PIK3C3: variants seen among roughly 807,000 people sequenced by gnomAD.
PIK3C3 encodes the protein PI3-kinase type 3.
In PIK3C3, 95 loss-of-function variants were observed where a neutral mutation model predicts 126.1. The observed-to-expected ratio is 0.75, with a 90% CI of 0.64 to 0.89. PIK3C3 has a LOEUF of 0.89. Ranked by LOEUF, PIK3C3 falls within the 40% of genes least tolerant of loss-of-function variation. The pLI is 0.00. For synonymous variants in PIK3C3, 374 were observed against 360.0 expected, an observed-to-expected ratio of 1.04 and a Z score of -0.44; for missense variants, 829 against 1,063.2, an observed-to-expected ratio of 0.78 and a Z score of 3.06.
intron 23 of PIK3C3, among the ~76,000 whole-genome samples, chr18:42,065,597 A>G (rs555041140): frequency 4.3e-4 from 65 of 152,370 alleles, no homozygotes; most frequent in African/African-American, 1.5e-3. Flanking sequence ...AACGATGTCA[A>G]TCATTGGCAA....
intron 16 of PIK3C3, 145 bp from the exon 17 acceptor site, chr18:42,037,547 A>G: frequency 1.6e-6 from 1 of 618,538 alleles, no homozygotes. Flanking sequence ...GTATACCCTA[A>G]TGTATCTCAT....
chr18:42,072,037 G>A (rs1232174445), intron 24 of PIK3C3, among the ~76,000 whole-genome samples: 1 of 151,928 alleles, frequency 6.6e-6, no homozygotes, highest in Admixed American at 6.6e-5. Context: ...ATTGATCTCT[G>A]GAGTTTATTT....
At chr18:42,043,661 A>G (rs926083446) in intron 19 of PIK3C3, 72 bp from the exon 20 acceptor site, 14 of 944,358 alleles carry the variant, frequency 1.5e-5, no homozygotes, top group Non-Finnish European at 2.2e-5. Flanking sequence ...GCTGGTCACT[A>G]TTTATAGTTT....
intron 9 of PIK3C3, among the ~76,000 whole-genome samples, chr18:42,002,288 AAGGGCAATGAG>A (rs1308796477): frequency 6.6e-6 from 1 of 152,172 alleles, no homozygotes; most frequent in Non-Finnish European, 1.5e-5. Flanking sequence ...TGAAGCATGG[AAGGGCAATGAG>A]AGGTTAATGA....
chr18:41,982,067 A>G (rs530277883), intron 4 of PIK3C3, among the ~76,000 whole-genome samples: 11 of 152,202 alleles, frequency 7.2e-5, no homozygotes, highest in African/African-American at 2.4e-4. Flanking sequence ...TTTTAGTAAT[A>G]TAATTCTAGT....
At chr18:41,994,797 A>T (rs1157592444) in intron 7 of PIK3C3, among the ~76,000 whole-genome samples, 2 of 152,110 alleles carry the variant, frequency 1.3e-5, no homozygotes, top group African/African-American at 4.8e-5. Flanking sequence ...AACACTTTTG[A>T]GAGGCCAAGG....
intron 12 of PIK3C3, among the ~76,000 whole-genome samples, chr18:42,020,432 C>T (rs1024071658): frequency 7.2e-5 from 11 of 152,030 alleles, no homozygotes; most frequent in African/African-American, 2.7e-4. Context: ...ACAAGGAGTC[C>T]TCTGAACTGC....
intron 21 of PIK3C3, 78 bp downstream of exon 21, chr18:42,049,683 A>G (rs1984710576): frequency 6.6e-6 from 8 of 1,203,772 alleles, no homozygotes; most frequent in Non-Finnish European, 9.9e-6. Flanking sequence ...TACTAACAAG[A>G]TAAGTTGCGG....
rs755242143 is a variant in PIK3C3 at position 42,004,530 on chromosome 18, G to T, written c.1159G>T (p.Ala387Ser). ...RRYAVARLRQADDEDLLMYLL... is the reference protein window; with the variant it reads ...RRYAVARLRQSDDEDLLMYLL... ...TTATGCTGTTGCCCGGTTGCGACAG[G>T]CCGATGATGAGGTGCATTATTATTT... The change falls in exon 10 of 25, where the codon GCC (alanine) becomes TCC (serine). Residue 387 changes from alanine (A) to serine (S), a missense_variant. Ala to Ser is a moderately conservative substitution (Grantham distance 99, BLOSUM62 1). Transcript: ENST00000262039. The T allele has an allele frequency of 3.8e-6, 6 of 1,589,178 alleles. No individual in the cohort carries two copies. Among genetic ancestry groups the T allele is most frequent in the Non-Finnish European group, 4.3e-6 (5 of 1,173,292 alleles).
rs1216324186 is a variant in PIK3C3 at position 42,083,920 on chromosome 18, T to C, written c.*2783T>C. The C allele has an allele frequency of 6.6e-6, 1 of 152,178 alleles. No homozygotes were observed. The highest frequency in any genetic ancestry group is 1.5e-5 in the Non-Finnish European group (1 of 68,034). The allele number at this position is 152,178 out of a possible 1,614,324, so 9.4% of individuals were successfully genotyped here. On this transcript the variant is annotated 3_prime_UTR_variant, in exon 25 of 25. Coordinates refer to ENST00000262039, the MANE Select transcript of PIK3C3 (RefSeq NM_002647.4). ...AGTACTGACCTCTAATGTGTGCATT[T>C]GTGGGTATGTGGTCCATTCAGCTTT...
chr18:42,050,712 C>T (rs1984764759), intron 21 of PIK3C3: 1 of 152,174 alleles, frequency 6.6e-6, no homozygotes, highest in South Asian at 2.1e-4. Context: ...CTACTTTGAC[C>T]CCACTTGAAG....
chr18:42,052,042 C>T (rs1372909955), intron 21 of PIK3C3, among the ~76,000 whole-genome samples: 2 of 151,874 alleles, frequency 1.3e-5, no homozygotes, highest in Non-Finnish European at 2.9e-5. Context: ...GGTAGTATTA[C>T]ATCTGTAATT....
chr18:42,047,220 A>T (rs764262647), intron 20 of PIK3C3, among the ~76,000 whole-genome samples: 2 of 152,150 alleles, frequency 1.3e-5, no homozygotes, highest in Non-Finnish European at 2.9e-5. Context: ...GTAGGTCTGG[A>T]TTGAACAACT....
chr18:42,071,494 C>T (rs890741952), intron 24 of PIK3C3, among the ~76,000 whole-genome samples: 1 of 152,012 alleles, frequency 6.6e-6, no homozygotes, highest in East Asian at 1.9e-4. Context: ...CCAAGGCAGG[C>T]GAATCACATG....
intron 6 of PIK3C3, 34 bp from the exon 7 acceptor site, chr18:41,993,236 T>C (rs778465381): frequency 2.2e-6 from 3 of 1,361,238 alleles, no homozygotes; most frequent in Non-Finnish European, 2.1e-6. Context: ...GTATTAAATT[T>C]CTTTTTTTAA....
chr18:41,966,413 G>T (rs554129017), intron 3 of PIK3C3, among the ~76,000 whole-genome samples: 1 of 151,818 alleles, frequency 6.6e-6, no homozygotes, highest in Non-Finnish European at 1.5e-5. Context: ...CAGCTGATCC[G>T]CCTGCCTCGC....
intron 24 of PIK3C3, among the ~76,000 whole-genome samples, chr18:42,073,927 G>A (rs564776357): frequency 6.6e-6 from 1 of 152,026 alleles, no homozygotes; most frequent in African/African-American, 2.4e-5. Flanking sequence ...TATTTCTCTA[G>A]GTAAAGTACA....
At chr18:42,020,530 A>G (rs541268949) in intron 12 of PIK3C3, 108 bp from the exon 13 acceptor site, 32 of 651,656 alleles carry the variant, frequency 4.9e-5, no homozygotes, top group African/African-American at 3.2e-4. Flanking sequence ...AATCTGATCT[A>G]TTACATAAGA....
At chr18:42,066,300 T>C (rs1263351389) in intron 23 of PIK3C3, among the ~76,000 whole-genome samples, 1 of 152,226 alleles carries the variant, frequency 6.6e-6, no homozygotes, top group Non-Finnish European at 1.5e-5. Context: ...ACAAGGGCAC[T>C]GAGCTGGGGC....
Sources: gnomAD v4.1 joint callset for allele counts (sites outside exome capture counted in the v4.1 genomes callset) on GRCh38, gnomAD v4.1.1 for gene constraint, MANE v1.5 for transcripts, NCBI Gene and HGNC (gene_info 2026-07-23, HGNC 2026-07-21) for gene names.